Variants in DOK1 observed in about 807,000 individuals in gnomAD.
DOK1 encodes the protein docking protein 1.
In DOK1, 12 loss-of-function variants were observed where a neutral mutation model predicts 24.0. The observed-to-expected ratio is 0.50, with a 90% CI of 0.32 to 0.81. The LOEUF (loss-of-function observed/expected upper bound fraction) is 0.81, where lower values mean the gene tolerates loss of function less well. DOK1 is among the 30% of genes least tolerant of loss of function. The probability of loss-of-function intolerance (pLI) is 0.03; values close to 1 mark genes in which losing one functional copy is unlikely to be tolerated. For missense variants in DOK1, 591 were observed against 620.7 expected, an observed-to-expected ratio of 0.95 and a Z score of 0.51; for synonymous variants, 250 against 260.9, an observed-to-expected ratio of 0.96 and a Z score of 0.40.
chr2:74,549,547 G>A lies in DOK1; in HGVS notation c.-358+375G>A, dbSNP rs751096939. ...CGTCTGCCCCACCCAACGGCGGGTCGAATTCGCACCTCCTCCACTTGCAGG... is the reference window on the plus strand; with the variant it reads ...CGTCTGCCCCACCCAACGGCGGGTCAAATTCGCACCTCCTCCACTTGCAGG... On this transcript the variant is annotated intron_variant, in intron 1 of 4. Coordinates refer to the DOK1 transcript ENST00000409429. The surrounding 1 kb of genome is among the most constrained non-coding windows in gnomAD (Gnocchi z 5.3). The A allele has an allele frequency of 6.2e-7, 1 of 1,611,514 alleles. No individual in the cohort carries two copies. Among genetic ancestry groups the A allele is most frequent in the Non-Finnish European group, 8.5e-7 (1 of 1,178,360 alleles).
At position 74,554,766 on chromosome 2, in the gene DOK1, A is replaced by T; in HGVS notation, c.12A>T (p.Ala4=). The change falls in exon 1 of 5, where the codon GCA becomes GCT. Residue 4 remains alanine, a synonymous_variant. Transcript: ENST00000233668. This position sits in a 1 kb window ranked among gnomAD's most constrained non-coding sequence, Gnocchi z 4.9. The stretch of plus-strand genomic sequence containing the variant: ...AACCGCCGGGGGCCATGGACGGAGC[A>T]GTGATGGAAGGGCCGCTTTTTTTGC... MDG[A]VMEGPLFLQS... is the part of the protein sequence containing the mutation. The T allele has an allele frequency of 6.2e-7, 1 of 1,612,968 alleles. No homozygotes were observed. The highest frequency in any genetic ancestry group is 8.5e-7 in the Non-Finnish European group (1 of 1,179,434).
At chr2:74,550,260 A>C, upstream of DOK1, 2 of 1,614,172 alleles carry the variant, frequency 1.2e-6, no homozygotes, top group Non-Finnish European at 1.7e-6. Context: ...CATCGTGCGT[A>C]CAGTCACTGT....
At position 74,555,930 on chromosome 2, in the gene DOK1, C is replaced by A; in HGVS notation, c.491C>A (p.Ala164Asp). The change falls in exon 4 of 5, where the codon GCC becomes GAC. Residue 164 changes from alanine to aspartate, a missense_variant. Physicochemically the swap from Ala to Asp is moderately radical, Grantham distance 126. Coordinates refer to ENST00000233668, the MANE Select transcript of DOK1 (RefSeq NM_001381.5). This position sits in a 1 kb window ranked among gnomAD's most constrained non-coding sequence, Gnocchi z 6.1. Reference protein sequence around the residue: ...QFWVTVQRTEAAERCGLHGSY... With the variant: ...QFWVTVQRTEDAERCGLHGSY... ...TGGGTAACGGTGCAGAGGACTGAGG[C>A]CGCCGAGCGCTGTGGCCTGCATGGC... The A allele has an allele frequency of 3.1e-6, 5 of 1,612,188 alleles. No homozygotes were observed. Among genetic ancestry groups the A allele is most frequent in the Non-Finnish European group, 4.2e-6 (5 of 1,179,050 alleles).
At chr2:74,552,524 G>T (rs773925764), upstream of DOK1, 7 of 1,613,200 alleles carry the variant, frequency 4.3e-6, no homozygotes, top group Admixed American at 5.0e-5. Context: ...CCTGGCTCCC[G>T]GCCTTCTTCT....
upstream of DOK1, chr2:74,552,481 T>C (rs1433412630): frequency 6.2e-7 from 1 of 1,613,470 alleles, no homozygotes; most frequent in African/African-American, 1.3e-5. Context: ...TCGTAGGGCT[T>C]CCTGGGGAAG....
Position 74,555,107 on chromosome 2 carries a change from C to G in DOK1, c.61-47C>G, listed in dbSNP as rs746305702. On this transcript the variant is annotated intron_variant, in intron 1 of 4. Coordinates refer to ENST00000233668, the MANE Select transcript of DOK1 (RefSeq NM_001381.5). This position sits in a 1 kb window ranked among gnomAD's most constrained non-coding sequence, Gnocchi z 6.1. ...CCTCCTTCCCCGTCGGGACCCGGGC[C>G]GCCTGCGCACGCCACTCCCTCTCGA... The G allele has an allele frequency of 2.6e-6, 4 of 1,565,390 alleles. No individual in the cohort carries two copies. In the South Asian group the frequency reaches 4.7e-5, roughly 19 times the overall value.
At chr2:74,551,076 G>A (rs991858832), upstream of DOK1, among the ~76,000 whole-genome samples, 1 of 152,140 alleles carries the variant, frequency 6.6e-6, no homozygotes, top group African/African-American at 2.4e-5. Context: ...GGGGCTACAA[G>A]CATGTGCCAC....
In DOK1 at chr2:74,556,508, T is replaced by G; in HGVS notation, c.840T>G (p.Pro280=). 1 of 1,614,086 alleles carries G rather than the reference T, an allele frequency of 6.2e-7. No homozygotes were observed. The highest frequency in any genetic ancestry group is 1.1e-5 in the South Asian group (1 of 91,084). ...GGGAGGTGGCAGAGGGGAAGTTGCCTTCCCCACCTGGCCCCCAAGAGCTCC... is the reference window on the plus strand; with the variant it reads ...GGGAGGTGGCAGAGGGGAAGTTGCCGTCCCCACCTGGCCCCCAAGAGCTCC... ...HEGEVAEGKL[P]SPPGPQELLD... is the part of the protein sequence containing the mutation. Residue 280 remains proline (P), a synonymous_variant, in exon 5 of 5, where the codon CCT becomes CCG. Transcript: ENST00000233668. This position sits in a 1 kb window ranked among gnomAD's most constrained non-coding sequence, Gnocchi z 4.1.
In DOK1 at chr2:74,555,129, T is replaced by A. The variant is rs1312642848; in HGVS notation, c.61-25T>A. 6.3e-7 allele frequency: 1 copy of A among 1,595,296 alleles called. No homozygotes were observed. On this transcript the variant is annotated intron_variant, in intron 1 of 4. Transcript: ENST00000233668. The surrounding 1 kb of genome is among the most constrained non-coding windows in gnomAD (Gnocchi z 6.1). The stretch of plus-strand genomic sequence containing the variant: ...GGCCGCCTGCGCACGCCACTCCCTC[T>A]CGAGCACTCTCTCTCTCTCCCTAGA...
upstream of DOK1, chr2:74,550,140 G>A (rs760252644): frequency 5.1e-6 from 8 of 1,579,914 alleles, no homozygotes; most frequent in East Asian, 2.3e-5. Context: ...CAGTACTCTC[G>A]GCTATCCTGG....
In DOK1 at chr2:74,556,848, AAGG is replaced by A; in HGVS notation, c.1187_1189del (p.Glu396del). The A allele has an allele frequency of 1.2e-6, 2 of 1,614,056 alleles. No individual in the cohort carries two copies. The highest frequency in any genetic ancestry group is 1.3e-5 in the African/African-American group (1 of 75,026). On this transcript the variant is annotated inframe_deletion, in exon 5 of 5. Transcript: ENST00000233668. This position sits in a 1 kb window ranked among gnomAD's most constrained non-coding sequence, Gnocchi z 4.1. ...TGCATGGTGGTGCCAAGCTCGGGTG[AAGG>A]AGGAGGGCTATGAGCTCCCCTACAA...
chr2:74,553,233 G>A (rs1454425692), upstream of DOK1: 2 of 152,326 alleles, frequency 1.3e-5, no homozygotes, highest in Non-Finnish European at 2.9e-5. Context: ...GGGGCCCTAG[G>A]CGGCCCTGGG....
chr2:74,552,526 C>G (rs1247284618), upstream of DOK1: 2 of 1,613,226 alleles, frequency 1.2e-6, no homozygotes, highest in African/African-American at 2.7e-5. Context: ...TGGCTCCCGG[C>G]CTTCTTCTCA....
In DOK1 at chr2:74,556,212, T is replaced by G. The variant is rs1573042121; in HGVS notation, c.640-96T>G. On this transcript the variant is annotated intron_variant, in intron 4 of 4. Transcript: ENST00000233668. The surrounding 1 kb of genome is among the most constrained non-coding windows in gnomAD (Gnocchi z 4.1). ...CGGTGACCCCGCGTCTGTTCGCAGGTGGTCTCTTCTTTGTAGATACCCTAA... is the reference window on the plus strand; with the variant it reads ...CGGTGACCCCGCGTCTGTTCGCAGGGGGTCTCTTCTTTGTAGATACCCTAA... 3.9e-6 allele frequency: 6 copies of G among 1,539,370 alleles called. No individual in the cohort carries two copies. Among genetic ancestry groups the G allele is most frequent in the Non-Finnish European group, 4.4e-6 (5 of 1,142,036 alleles).
rs142834883 is a variant in DOK1, at chr2:74,555,596, C to T, written c.382C>T (p.Pro128Ser). 3.3e-5 allele frequency: 53 copies of T among 1,614,216 alleles called. No homozygotes were observed. In the African/African-American group the frequency reaches 6.4e-4, roughly 19 times the overall value. ...ACAGAAAGGCAGCTGGACTCTGGCG[C>T]CTACCGATAACCCACCTAAGCTTTC... ...AFPKGSWTLAPTDNPPKLSAL... is the reference protein window; with the variant it reads ...AFPKGSWTLASTDNPPKLSAL... The change falls in exon 3 of 5, where the codon CCT becomes TCT. Residue 128 changes from proline (P) to serine (S), a missense_variant. Physicochemically the swap from Pro to Ser is moderately conservative, Grantham distance 74. Transcript: ENST00000233668. The surrounding 1 kb of genome is among the most constrained non-coding windows in gnomAD (Gnocchi z 6.1).
upstream of DOK1, among the ~76,000 whole-genome samples, chr2:74,551,795 C>T (rs760211529): frequency 1.3e-5 from 2 of 152,280 alleles, no homozygotes; most frequent in African/African-American, 2.4e-5. Flanking sequence ...CTAGGCCTCA[C>T]CTAGGGAACT....
upstream of DOK1, chr2:74,549,945 C>T: frequency 1.0e-6 from 1 of 985,400 alleles, no homozygotes; most frequent in Non-Finnish European, 1.2e-6. This position sits in a 1 kb window ranked among gnomAD's most constrained non-coding sequence, Gnocchi z 5.3. Context: ...ACCAGGTGCC[C>T]CAGGGGTGAC....
At chr2:74,549,966 G>A, upstream of DOK1, 1 of 985,490 alleles carries the variant, frequency 1.0e-6, no homozygotes, top group Non-Finnish European at 1.2e-6. The surrounding 1 kb of genome is among the most constrained non-coding windows in gnomAD (Gnocchi z 5.3). Flanking sequence ...TAGGGATGAA[G>A]CTGGAGAGGC....
rs760877491 is a variant in DOK1 at position 74,555,487 on chromosome 2, T to C, written c.360+34T>C. 4.5e-5 allele frequency: 72 copies of C among 1,609,292 alleles called. No individual in the cohort carries two copies. In the South Asian group the frequency reaches 7.8e-4, roughly 17 times the overall value. ...CTGCGGCGATGCGGGGTGGGGGCAGTTACAGAGGCAGAGAAATGGGGCTGC... is the reference window on the plus strand; with the variant it reads ...CTGCGGCGATGCGGGGTGGGGGCAGCTACAGAGGCAGAGAAATGGGGCTGC... On this transcript the variant is annotated intron_variant, in intron 2 of 4. Transcript: ENST00000233668. The surrounding 1 kb of genome is among the most constrained non-coding windows in gnomAD (Gnocchi z 6.1).
Sources: gnomAD v4.1 joint callset for allele counts (sites outside exome capture counted in the v4.1 genomes callset) on GRCh38, gnomAD v4.1.1 for gene constraint, Gnocchi (gnomAD v3.1) non-coding constraint, MANE v1.5 for transcripts, NCBI Gene and HGNC (gene_info 2026-07-23, HGNC 2026-07-21) for gene names.